Variants in PLCH1 observed in about 807,000 individuals in gnomAD.
The protein encoded by PLCH1 is 1-phosphatidylinositol 4,5-bisphosphate phosphodiesterase eta-1.
Under a neutral mutation model 126.7 loss-of-function variants are expected in PLCH1, and 60 were observed. The observed-to-expected ratio is 0.47, with a 90% CI of 0.38 to 0.59. The LOEUF (loss-of-function observed/expected upper bound fraction) is 0.59. Ranked by LOEUF, PLCH1 falls within the 20% of genes least tolerant of loss-of-function variation. The pLI, the probability that PLCH1 is intolerant of heterozygous loss-of-function variation, is 0.00. For synonymous variants in PLCH1, 719 were observed against 734.9 expected (o/e 0.98, Z 0.35); for missense variants, 1,723 against 2,040.0 (o/e 0.84, Z 2.99).
intron 21 of PLCH1, among the ~76,000 whole-genome samples, chr3:155,471,707 C>A (rs1713257020): frequency 6.7e-6 from 1 of 150,258 alleles, no homozygotes; most frequent in Non-Finnish European, 1.5e-5. Flanking sequence ...TGTAAAAGAA[C>A]AGAAATTATA....
chr3:155,592,275 G>C (rs1577087680), intron 4 of PLCH1, among the ~76,000 whole-genome samples: 1 of 146,882 alleles, frequency 6.8e-6, no homozygotes, highest in Non-Finnish European at 1.5e-5. Flanking sequence ...ACGAGGTCAG[G>C]AGATCAAGAC....
chr3:155,529,499 C>T (rs1011105229), intron 10 of PLCH1, among the ~76,000 whole-genome samples: 14 of 151,862 alleles, frequency 9.2e-5, no homozygotes, highest in Admixed American at 3.3e-4. Flanking sequence ...GAGAGGCACA[C>T]GGATTTTTTG....
intron 10 of PLCH1, among the ~76,000 whole-genome samples, chr3:155,538,339 T>A (rs1402044674): frequency 6.6e-6 from 1 of 151,754 alleles, no homozygotes; most frequent in African/African-American, 2.4e-5. Context: ...CTCAAGGAAC[T>A]AGAGAAACAA....
At position 155,485,513 on chromosome 3, in the gene PLCH1, G is replaced by A. The variant is rs1030296625; in HGVS notation, c.2817C>T (p.Ser939=). 12 of 1,614,004 alleles carry A rather than the reference G, an allele frequency of 7.4e-6. No homozygotes were observed. The highest frequency in any genetic ancestry group is 2.2e-5 in the East Asian group (1 of 44,872). Residue 939 remains serine (S), a synonymous_variant, in exon 22 of 23, where the codon TCC becomes TCT. Transcript: ENST00000460012. The stretch of plus-strand genomic sequence containing the variant: ...CGCCATCTTGATCTCTTGTGGCCTC[G>A]GACACAGAATCCTTTATCTCCACCA... ...QEMVEIKDSV[S]EATRDQDGVL... is the part of the protein sequence containing the mutation.
At chr3:155,735,272 G>T (rs906117728) in intron 1 of PLCH1, among the ~76,000 whole-genome samples, 1 of 152,098 alleles carries the variant, frequency 6.6e-6, no homozygotes, top group Non-Finnish European at 1.5e-5. Flanking sequence ...TAGATAGGGG[G>T]AAGAAGTTCA....
At chr3:155,743,930 T>A (rs1186746603) in intron 1 of PLCH1, among the ~76,000 whole-genome samples, 4 of 152,200 alleles carry the variant, frequency 2.6e-5, no homozygotes, top group African/African-American at 9.6e-5. Flanking sequence ...GGATTTCAAT[T>A]GCTGCCCTAA....
chr3:155,466,879 T>C (rs534404298), intron 21 of PLCH1, among the ~76,000 whole-genome samples: 7 of 152,286 alleles, frequency 4.6e-5, no homozygotes, highest in South Asian at 2.1e-4. Context: ...AGTTCTTTAA[T>C]TGTGGACTTG....
intron 21 of PLCH1, among the ~76,000 whole-genome samples, chr3:155,467,543 C>T (rs1487003968): frequency 6.7e-6 from 1 of 149,800 alleles, no homozygotes; most frequent in Non-Finnish European, 1.5e-5. Context: ...CATTGCACTC[C>T]AGCATGGGTG....
At chr3:155,470,729 C>T (rs7633597) in intron 21 of PLCH1, among the ~76,000 whole-genome samples, 44,000 of 151,654 alleles carry the variant, frequency 0.29, 7,254 homozygotes, top group African/African-American at 0.44. Flanking sequence ...GCGGATCTCT[C>T]GGCAGAAACC....
intron 7 of PLCH1, among the ~76,000 whole-genome samples, chr3:155,566,053 C>T (rs965306146): frequency 2.8e-5 from 4 of 145,364 alleles, no homozygotes; most frequent in African/African-American, 7.7e-5. Flanking sequence ...TAGACAGTGT[C>T]AAAAAATGAA....
intron 1 of PLCH1, among the ~76,000 whole-genome samples, chr3:155,722,879 T>C (rs1748052173): frequency 6.6e-6 from 1 of 152,216 alleles, no homozygotes; most frequent in Admixed American, 6.5e-5. Flanking sequence ...GCTTTTGGAA[T>C]GGTGTCAATA....
At chr3:155,601,058 T>C (rs1171100398) in intron 2 of PLCH1, among the ~76,000 whole-genome samples, 1 of 152,158 alleles carries the variant, frequency 6.6e-6, no homozygotes, top group Non-Finnish European at 1.5e-5. Flanking sequence ...CACTGCAAGC[T>C]CCGCCTCCCG....
intron 21 of PLCH1, among the ~76,000 whole-genome samples, chr3:155,452,485 C>G (rs1221770286): frequency 6.6e-6 from 1 of 152,066 alleles, no homozygotes; most frequent in Non-Finnish European, 1.5e-5. Flanking sequence ...TCTGGGGCTT[C>G]TAGAATTGAG....
At chr3:155,469,536 C>A (rs1388495793) in intron 21 of PLCH1, among the ~76,000 whole-genome samples, 1 of 152,360 alleles carries the variant, frequency 6.6e-6, no homozygotes, top group Non-Finnish European at 1.5e-5. Context: ...CTTAGGTAAA[C>A]AAAGCAGCCA....
intron 14 of PLCH1, among the ~76,000 whole-genome samples, chr3:155,499,070 CAT>C (rs1411698095): frequency 6.6e-6 from 1 of 152,182 alleles, no homozygotes; most frequent in Non-Finnish European, 1.5e-5. Context: ...ACAGAAATAA[CAT>C]GTGTTATTGT....
At chr3:155,604,451 G>T (rs1734115194) in intron 2 of PLCH1, among the ~76,000 whole-genome samples, 1 of 152,008 alleles carries the variant, frequency 6.6e-6, no homozygotes, top group African/African-American at 2.4e-5. Context: ...AAAACTAATT[G>T]GTTAACAGTT....
At chr3:155,498,074 C>T (rs1717331153) in intron 14 of PLCH1, among the ~76,000 whole-genome samples, 1 of 152,192 alleles carries the variant, frequency 6.6e-6, no homozygotes, top group Non-Finnish European at 1.5e-5. Context: ...AGGTCCTGCT[C>T]CGTCCCACTC....
chr3:155,490,882 A>G lies in PLCH1; in HGVS notation c.2308-14T>C. 1 of 1,307,804 alleles carries G rather than the reference A, an allele frequency of 7.6e-7. No homozygotes were observed. Among genetic ancestry groups the G allele is most frequent in the South Asian group, 1.2e-5 (1 of 84,226 alleles). The allele number at this position is 1,307,804 out of a possible 1,614,324, so 81.0% of individuals were successfully genotyped here. On this transcript the variant is annotated splice_polypyrimidine_tract_variant and intron_variant, in intron 18 of 22. Transcript: ENST00000460012. ...AGGGTCAATGATCTATTAAGTAAAG[A>G]GAAAGTACTATTACAAATAACATAT...
At chr3:155,487,940 A>C (rs1305374603) in intron 21 of PLCH1, 88 bp downstream of exon 21, 1 of 893,562 alleles carries the variant, frequency 1.1e-6, no homozygotes, top group African/African-American at 1.7e-5. Context: ...AGTTTGTCAA[A>C]ATTTACATTC....
Sources: allele counts gnomAD v4.1 joint callset (sites outside exome capture counted in the v4.1 genomes callset), GRCh38; gene constraint gnomAD v4.1.1; transcripts MANE v1.5; gene names NCBI Gene and HGNC (gene_info 2026-07-23, HGNC 2026-07-21).